The following GAS2 variants were observed in gnomAD, a reference collection of about 807,000 sequenced individuals.
GAS2 encodes growth arrest specific 2.
GAS2 carries 20 observed loss-of-function variants against 37.5 expected under a neutral mutation model. The observed-to-expected ratio is 0.53, with a 90% CI of 0.37 to 0.77. The LOEUF is 0.77. Ranked by LOEUF, GAS2 falls within the 30% of genes least tolerant of loss-of-function variation. The pLI, the probability that GAS2 is intolerant of heterozygous loss-of-function variation, is 0.00. For synonymous variants in GAS2, 144 were observed against 132.2 expected (o/e 1.09, Z -0.61); for missense variants, 336 against 373.4 (o/e 0.90, Z 0.82).
intron 2 of GAS2, among the ~76,000 whole-genome samples, chr11:22,683,533 T>G (rs756391864): frequency 2.0e-5 from 3 of 152,194 alleles, no homozygotes; most frequent in Non-Finnish European, 2.9e-5. Context: ...CCCAAAGTGC[T>G]GGGATTACAG....
chr11:22,696,212 G>T (rs1009473164), intron 3 of GAS2, among the ~76,000 whole-genome samples: 11 of 150,868 alleles, frequency 7.3e-5, no homozygotes, highest in South Asian at 2.1e-4. Context: ...TTGTCCTTGC[G>T]ATAGTTTACT....
intron 7 of GAS2, among the ~76,000 whole-genome samples, chr11:22,794,275 T>C (rs772284509): frequency 1.3e-5 from 2 of 152,114 alleles, no homozygotes; most frequent in African/African-American, 2.4e-5. Flanking sequence ...GTAAGACTTA[T>C]GCCCTCAAAA....
At chr11:22,721,439 T>G (rs1851942877) in intron 3 of GAS2, among the ~76,000 whole-genome samples, 1 of 152,054 alleles carries the variant, frequency 6.6e-6, no homozygotes, top group Non-Finnish European at 1.5e-5. Flanking sequence ...TTGTATGTCT[T>G]AGTAACTACA....
chr11:22,789,634 T>C, intron 7 of GAS2, among the ~76,000 whole-genome samples: 1 of 146,058 alleles, frequency 6.8e-6, no homozygotes, highest in South Asian at 2.1e-4. Flanking sequence ...GCTAGTTTTT[T>C]TGTATTTTTT....
At chr11:22,756,007 G>A (rs1032044523) in intron 7 of GAS2, 54 bp downstream of exon 7, 43 of 1,259,604 alleles carry the variant, frequency 3.4e-5, no homozygotes, top group Middle Eastern at 1.9e-4. Context: ...CAGAATTTGA[G>A]TTAGGGGAAA....
intron 1 of GAS2, among the ~76,000 whole-genome samples, chr11:22,658,270 C>G (rs112269302): frequency 2.0e-5 from 3 of 152,262 alleles, no homozygotes; most frequent in African/African-American, 7.2e-5. Context: ...CTCAGATGAT[C>G]TGCCCGCCTC....
At chr11:22,764,599 G>A (rs1854585545) in intron 7 of GAS2, among the ~76,000 whole-genome samples, 2 of 143,230 alleles carry the variant, frequency 1.4e-5, no homozygotes, top group South Asian at 4.5e-4. Context: ...AAGCAAGAAA[G>A]ACAATGAAAT....
chr11:22,698,095 G>A (rs944876020), intron 3 of GAS2, among the ~76,000 whole-genome samples: 4 of 151,862 alleles, frequency 2.6e-5, no homozygotes, highest in African/African-American at 9.7e-5. Flanking sequence ...GTTTTTGAAA[G>A]GATCAGCAAA....
intron 2 of GAS2, among the ~76,000 whole-genome samples, chr11:22,682,811 A>C (rs1006762210): frequency 7.3e-6 from 1 of 136,762 alleles, no homozygotes; most frequent in East Asian, 2.3e-4. Flanking sequence ...GTGCCACTGC[A>C]CTCCAGCCTG....
intron 3 of GAS2, among the ~76,000 whole-genome samples, chr11:22,716,847 C>A (rs1565106110): frequency 6.6e-6 from 1 of 152,086 alleles, no homozygotes; most frequent in South Asian, 2.1e-4. Context: ...TGCCATATAC[C>A]AACAACGACC....
At chr11:22,767,924 T>A (rs946959828) in intron 7 of GAS2, among the ~76,000 whole-genome samples, 1 of 152,090 alleles carries the variant, frequency 6.6e-6, no homozygotes, top group Non-Finnish European at 1.5e-5. Context: ...TTCCCTTTAA[T>A]ACTTGACATT....
intron 1 of GAS2, among the ~76,000 whole-genome samples, chr11:22,653,294 G>C (rs901651708): frequency 3.9e-5 from 6 of 152,034 alleles, no homozygotes; most frequent in Non-Finnish European, 7.4e-5. Context: ...TGTATAGGAA[G>C]AATTTAAACA....
chr11:22,739,518 AG>A (rs1240856439), intron 5 of GAS2, among the ~76,000 whole-genome samples: 10 of 135,190 alleles, frequency 7.4e-5, no homozygotes, highest in Non-Finnish European at 1.5e-4. Flanking sequence ...GCTTGCAGTG[AG>A]CCTAGATTGC....
chr11:22,739,994 C>T (rs1002624902), intron 5 of GAS2, among the ~76,000 whole-genome samples: 5 of 151,956 alleles, frequency 3.3e-5, no homozygotes, highest in South Asian at 2.1e-4. Context: ...TAAATGAGCA[C>T]GGTGATTAGG....
intron 7 of GAS2, among the ~76,000 whole-genome samples, chr11:22,759,041 G>A (rs1190968127): frequency 1.3e-5 from 2 of 151,918 alleles, no homozygotes; most frequent in African/African-American, 2.4e-5. Context: ...CACCTTACAA[G>A]GTTTGTTGAC....
chr11:22,761,122 T>G (rs10833807), intron 7 of GAS2, among the ~76,000 whole-genome samples: 141,532 of 152,068 alleles, frequency 0.93, 66,704 homozygotes, highest in East Asian at 1. Context: ...CTGGAAATAT[T>G]TAAATGTTTA....
chr11:22,744,607 A>T (rs1328064377), intron 5 of GAS2, among the ~76,000 whole-genome samples: 3 of 152,016 alleles, frequency 2.0e-5, no homozygotes, highest in Non-Finnish European at 2.9e-5. Flanking sequence ...TCCCTTCATG[A>T]TAAAAAAAAC....
chr11:22,662,565 A>G (rs899529638), upstream of GAS2, among the ~76,000 whole-genome samples: 7 of 152,312 alleles, frequency 4.6e-5, no homozygotes, highest in Admixed American at 2.6e-4. Flanking sequence ...TTAAACATTT[A>G]TATTATACTT....
chr11:22,789,457 CTTTTTT>C (rs71037529), intron 7 of GAS2, among the ~76,000 whole-genome samples: 1 of 31,410 alleles, frequency 3.2e-5, no homozygotes, highest in African/African-American at 1.3e-4. Context: ...TATATATATT[CTTTTTT>C]TTTTTTTTTT....
Sources: gnomAD v4.1 joint callset for allele counts (sites outside exome capture counted in the v4.1 genomes callset) on GRCh38, gnomAD v4.1.1 for gene constraint, MANE v1.5 for transcripts, NCBI Gene and HGNC (gene_info 2026-07-23, HGNC 2026-07-21) for gene names.